Variants in NVL observed in about 807,000 individuals in gnomAD.
NVL encodes nuclear valosin-containing protein-like.
NVL carries 84 observed loss-of-function variants against 110.2 expected under a neutral mutation model. The observed-to-expected ratio is 0.76, with a 90% CI of 0.64 to 0.91. NVL has a LOEUF of 0.91. Among genes scored for constraint, NVL ranks in the 40% least tolerant of loss-of-function variants. NVL has a pLI of 0.00. For missense variants in NVL, 882 were observed against 1,035.9 expected, an observed-to-expected ratio of 0.85 and a Z score of 2.04; for synonymous variants, 354 against 361.1, an observed-to-expected ratio of 0.98 and a Z score of 0.22.
chr1:224,285,951 ATATT>A, intron 15 of NVL, 71 bp downstream of exon 15: 1 of 1,106,294 alleles, frequency 9.0e-7, no homozygotes, highest in Non-Finnish European at 1.4e-6. Context: ...CCTCACTGTA[ATATT>A]TAAAGTTAAG....
Position 224,308,016 on chromosome 1 carries a change from G to C in NVL, c.590C>G (p.Pro197Arg), listed in dbSNP as rs776316720. The change falls in exon 6 of 23, where the codon CCT (proline) becomes CGT (arginine). Residue 197 changes from proline (P) to arginine (R), a missense_variant. By Grantham distance (103) the Pro-to-Arg change is moderately radical. Transcript: ENST00000281701. ...CTGTATCTCAGTTATTGGCTTCTTA[G>C]GATTACTTTTCTCACATGACAGGTC... ...FLDLSCEKSNPKKPITEIQDS... is the reference protein window; with the variant it reads ...FLDLSCEKSNRKKPITEIQDS... 1 of 1,543,846 alleles carries C rather than the reference G, an allele frequency of 6.5e-7. No homozygotes were observed. The highest frequency in any genetic ancestry group is 1.4e-5 in the African/African-American group (1 of 72,466).
Position 224,317,747 on chromosome 1 carries a change from T to C in NVL, c.231A>G (p.Glu77=), listed in dbSNP as rs1334106483. 6.2e-7 allele frequency: 1 copy of C among 1,610,274 alleles called. No homozygotes were observed. The highest frequency in any genetic ancestry group is 8.5e-7 in the Non-Finnish European group (1 of 1,176,822). ...SSEKELKNLT[E]LEDEHLAKRA... ...TTTTTGCCAAATGTTCATCTTCTAA[T>C]TCTGTTAAATTCTTAAGTTCCTTCT... The change falls in exon 4 of 23, where the codon GAA becomes GAG. Residue 77 remains glutamate (E), a synonymous_variant. Transcript: ENST00000281701.
chr1:224,320,824 A>AT (rs982175610), intron 2 of NVL, among the ~76,000 whole-genome samples: 3 of 151,704 alleles, frequency 2.0e-5, no homozygotes, highest in Non-Finnish European at 4.4e-5. Context: ...TAATTTTTTG[A>AT]TTTTTTTTGC....
intron 19 of NVL, among the ~76,000 whole-genome samples, chr1:224,241,686 T>C (rs1308893773): frequency 6.6e-6 from 1 of 151,804 alleles, no homozygotes; most frequent in Non-Finnish European, 1.5e-5. Flanking sequence ...TGAAACACCA[T>C]CTCTACTAAA....
intron 9 of NVL, among the ~76,000 whole-genome samples, chr1:224,302,515 C>G (rs1255082788): frequency 6.6e-6 from 1 of 151,972 alleles, no homozygotes; most frequent in Non-Finnish European, 1.5e-5. Context: ...TGCTATTTTT[C>G]TAATCGAAGT....
intron 13 of NVL, 101 bp from the exon 14 acceptor site, chr1:224,288,094 G>A (rs1247412815): frequency 1.8e-5 from 15 of 821,610 alleles, no homozygotes; most frequent in African/African-American, 5.2e-5. Flanking sequence ...TAATATTTCC[G>A]TAAGCTATCC....
chr1:224,231,607 G>T (rs1313376703), intron 21 of NVL, among the ~76,000 whole-genome samples: 3 of 152,090 alleles, frequency 2.0e-5, no homozygotes, highest in Non-Finnish European at 4.4e-5. Context: ...TCAAATAAAT[G>T]TAACTGGAAT....
chr1:224,292,224 T>A (rs556737373), intron 12 of NVL, among the ~76,000 whole-genome samples: 1 of 152,284 alleles, frequency 6.6e-6, no homozygotes, highest in South Asian at 2.1e-4. Context: ...GGCAACATAG[T>A]GAGACCCTTT....
chr1:224,277,625 C>T (rs1311313210), intron 16 of NVL, among the ~76,000 whole-genome samples: 1 of 152,060 alleles, frequency 6.6e-6, no homozygotes, highest in East Asian at 1.9e-4. Flanking sequence ...AATGAAAAGC[C>T]CATCTTATCC....
chr1:224,281,918 A>C (rs1666379114), intron 15 of NVL, among the ~76,000 whole-genome samples: 1 of 147,122 alleles, frequency 6.8e-6, no homozygotes. Context: ...GTGCCATAGC[A>C]CTCCAGCCTG....
At chr1:224,319,849 C>T (rs932033884) in intron 2 of NVL, among the ~76,000 whole-genome samples, 5 of 151,890 alleles carry the variant, frequency 3.3e-5, no homozygotes, top group African/African-American at 9.7e-5. Context: ...CTAACATTAC[C>T]GAATAACACC....
intron 11 of NVL, among the ~76,000 whole-genome samples, chr1:224,295,676 C>A (rs1055744160): frequency 1.3e-5 from 2 of 150,730 alleles, no homozygotes; most frequent in East Asian, 3.9e-4. Flanking sequence ...ATAGTGAGAC[C>A]GTCTTTAAAA....
At chr1:224,288,099 C>A in intron 13 of NVL, 106 bp from the exon 14 acceptor site, 1 of 751,696 alleles carries the variant, frequency 1.3e-6, no homozygotes, top group Non-Finnish European at 2.2e-6. Context: ...TTTCCGTAAG[C>A]TATCCTGAAC....
intron 19 of NVL, among the ~76,000 whole-genome samples, chr1:224,238,457 C>T (rs1660783176): frequency 6.6e-6 from 1 of 152,212 alleles, no homozygotes; most frequent in African/African-American, 2.4e-5. Context: ...TCTGCCCACA[C>T]TCACATACCA....
intron 18 of NVL, among the ~76,000 whole-genome samples, chr1:224,266,137 A>G (rs1664479146): frequency 6.6e-6 from 1 of 152,220 alleles, no homozygotes; most frequent in South Asian, 2.1e-4. Context: ...CACTTTAAAA[A>G]GGATGATCAT....
intron 5 of NVL, among the ~76,000 whole-genome samples, chr1:224,308,931 G>C (rs1461882146): frequency 1.3e-5 from 2 of 151,152 alleles, no homozygotes; most frequent in African/African-American, 4.9e-5. Context: ...CGTGATGGCG[G>C]ACGCCTGTAG....
intron 17 of NVL, among the ~76,000 whole-genome samples, chr1:224,273,229 A>G (rs1441180594): frequency 6.6e-6 from 1 of 152,070 alleles, no homozygotes; most frequent in Non-Finnish European, 1.5e-5. Flanking sequence ...CCCGGCCATC[A>G]TGGTGAAACC....
chr1:224,272,620 G>A (rs1665244657), intron 17 of NVL, among the ~76,000 whole-genome samples: 1 of 152,080 alleles, frequency 6.6e-6, no homozygotes, highest in African/African-American at 2.4e-5. Context: ...GGGAGGCTGA[G>A]TCAGGAAAAT....
intron 17 of NVL, 96 bp from the exon 18 acceptor site, chr1:224,268,229 G>A (rs540717008): frequency 2.3e-6 from 2 of 866,532 alleles, no homozygotes; most frequent in Admixed American, 5.0e-5. Flanking sequence ...CCATGCAAAG[G>A]AGATAACAAT....
Sources: allele counts gnomAD v4.1 joint callset (sites outside exome capture counted in the v4.1 genomes callset), GRCh38; gene constraint gnomAD v4.1.1; transcripts MANE v1.5; gene names NCBI Gene and HGNC (gene_info 2026-07-23, HGNC 2026-07-21).